The following EFCAB6 variants were observed in gnomAD, a reference collection of about 807,000 sequenced individuals.
The protein encoded by EFCAB6 is EF-hand calcium binding domain 6.
A neutral mutation model predicts 169.8 loss-of-function variants in EFCAB6; 156 were observed. That is an observed-to-expected ratio of 0.92 (90% confidence interval 0.81 to 1.05). EFCAB6 has a LOEUF of 1.05. Among genes scored for constraint, EFCAB6 ranks in the 50% least tolerant of loss-of-function variants. The pLI is 0.00. For missense variants in EFCAB6, 1,800 were observed against 1,829.1 expected (o/e 0.98, Z 0.29); for synonymous variants, 698 against 676.4 (o/e 1.03, Z -0.50).
chr22:43,654,448 T>G (rs888224290), intron 17 of EFCAB6, among the ~76,000 whole-genome samples: 1 of 152,172 alleles, frequency 6.6e-6, no homozygotes, highest in Non-Finnish European at 1.5e-5. Context: ...GCACCAACAG[T>G]GATGAGTCAT....
chr22:43,583,575 G>T (rs769430639), intron 24 of EFCAB6, among the ~76,000 whole-genome samples: 4 of 146,038 alleles, frequency 2.7e-5, no homozygotes, highest in Non-Finnish European at 4.5e-5. Flanking sequence ...AAATTCATAT[G>T]TTAAAATGTT....
At chr22:43,737,256 T>C (rs2147687426) in intron 6 of EFCAB6, among the ~76,000 whole-genome samples, 1 of 152,040 alleles carries the variant, frequency 6.6e-6, no homozygotes, top group African/African-American at 2.4e-5. Context: ...ACTGACATGG[T>C]CCACCCCATA....
chr22:43,667,285 G>A lies in EFCAB6; in HGVS notation c.1815-13C>T, dbSNP rs2057306977. On this transcript the variant is annotated splice_polypyrimidine_tract_variant and intron_variant, in intron 16 of 31. Transcript: ENST00000262726. ...CGTGAGCTTGGTTCTAAAATCACAAGCAGGCATTTAGACCCAGTGTCAACT... is the reference window on the plus strand; with the variant it reads ...CGTGAGCTTGGTTCTAAAATCACAAACAGGCATTTAGACCCAGTGTCAACT... The A allele has an allele frequency of 6.2e-7, 1 of 1,612,236 alleles. No homozygotes were observed. Among genetic ancestry groups the A allele is most frequent in the African/African-American group, 1.3e-5 (1 of 74,794 alleles).
intron 21 of EFCAB6, among the ~76,000 whole-genome samples, chr22:43,611,319 T>C (rs1490192374): frequency 6.6e-6 from 1 of 152,054 alleles, no homozygotes; most frequent in East Asian, 1.9e-4. Context: ...ACAATAAGAA[T>C]TACAAAACAC....
intron 31 of EFCAB6, among the ~76,000 whole-genome samples, chr22:43,529,486 C>T (rs1376543383): frequency 6.6e-6 from 1 of 152,236 alleles, no homozygotes; most frequent in Non-Finnish European, 1.5e-5. Context: ...CTGACTCTCT[C>T]CCAGCTCCTC....
intron 17 of EFCAB6, among the ~76,000 whole-genome samples, chr22:43,635,689 T>G (rs556590786): frequency 3.3e-4 from 51 of 152,324 alleles, no homozygotes; most frequent in African/African-American, 1.2e-3. Flanking sequence ...TTTTTTTAAA[T>G]GGGGGTGGCC....
chr22:43,662,492 T>C (rs1203167035), intron 17 of EFCAB6, among the ~76,000 whole-genome samples: 1 of 152,118 alleles, frequency 6.6e-6, no homozygotes, highest in Non-Finnish European at 1.5e-5. Context: ...AACAACAGCA[T>C]GCATGCTCAG....
At chr22:43,799,969 A>G (rs1325824151) in intron 2 of EFCAB6, among the ~76,000 whole-genome samples, 1 of 152,184 alleles carries the variant, frequency 6.6e-6, no homozygotes, top group Admixed American at 6.5e-5. Context: ...CGCTGGCAGG[A>G]GACCTATCCC....
intron 4 of EFCAB6, among the ~76,000 whole-genome samples, chr22:43,766,314 T>A (rs1227311858): frequency 6.6e-6 from 1 of 152,108 alleles, no homozygotes; most frequent in African/African-American, 2.4e-5. Context: ...ATTACAGGCA[T>A]GAGCCACCAC....
chr22:43,788,761 A>C (rs1330712003), intron 2 of EFCAB6, among the ~76,000 whole-genome samples: 1 of 152,220 alleles, frequency 6.6e-6, no homozygotes, highest in Non-Finnish European at 1.5e-5. Context: ...ACATACATCC[A>C]TCAAAAAAAA....
At chr22:43,799,166 A>AC (rs1412784074) in intron 2 of EFCAB6, among the ~76,000 whole-genome samples, 6 of 152,006 alleles carry the variant, frequency 3.9e-5, no homozygotes, top group Non-Finnish European at 4.4e-5. Flanking sequence ...GTCTTTACAA[A>AC]AAAAAAAAAA....
chr22:43,594,721 AT>A (rs1203756408), intron 23 of EFCAB6, among the ~76,000 whole-genome samples: 1 of 152,240 alleles, frequency 6.6e-6, no homozygotes, highest in Non-Finnish European at 1.5e-5. Flanking sequence ...CAATGGGCAG[AT>A]CATCCAGACA....
At chr22:43,668,762 T>C in intron 16 of EFCAB6, 110 bp downstream of exon 16, 1 of 1,066,714 alleles carries the variant, frequency 9.4e-7, no homozygotes, top group Non-Finnish European at 1.2e-6. Flanking sequence ...CCATCTTTCT[T>C]ATTTATAAAA....
intron 6 of EFCAB6, among the ~76,000 whole-genome samples, chr22:43,747,414 G>A (rs983636772): frequency 6.6e-6 from 1 of 152,186 alleles, no homozygotes; most frequent in African/African-American, 2.4e-5. Context: ...CCGGCTCTGG[G>A]GGACCAAATC....
At chr22:43,784,582 CAT>C (rs1268061914) in intron 2 of EFCAB6, among the ~76,000 whole-genome samples, 4 of 59,206 alleles carry the variant, frequency 6.8e-5, no homozygotes, top group Non-Finnish European at 9.2e-5. Context: ...TACATATACA[CAT>C]ATATATGTAT....
At chr22:43,655,705 T>C (rs1315490291) in intron 17 of EFCAB6, among the ~76,000 whole-genome samples, 1 of 152,110 alleles carries the variant, frequency 6.6e-6, no homozygotes, top group African/African-American at 2.4e-5. Flanking sequence ...ACTCAGACTA[T>C]CAGACTGTAT....
intron 21 of EFCAB6, among the ~76,000 whole-genome samples, chr22:43,610,759 A>T (rs1408073258): frequency 1.3e-5 from 2 of 152,224 alleles, no homozygotes; most frequent in African/African-American, 2.4e-5. Context: ...AAAAAAATTG[A>T]GTCTGTAGGA....
chr22:43,679,794 A>G (rs1329953793), intron 12 of EFCAB6, among the ~76,000 whole-genome samples: 1 of 152,144 alleles, frequency 6.6e-6, no homozygotes, highest in Non-Finnish European at 1.5e-5. Context: ...CTTCTTGGGT[A>G]AAATGTCTAT....
At chr22:43,584,865 T>A (rs1395322477) in intron 24 of EFCAB6, among the ~76,000 whole-genome samples, 1 of 151,970 alleles carries the variant, frequency 6.6e-6, no homozygotes, top group Non-Finnish European at 1.5e-5. Context: ...GCAAAACACA[T>A]ACTCTATTTA....
Sources: allele counts gnomAD v4.1 joint callset (sites outside exome capture counted in the v4.1 genomes callset), GRCh38; gene constraint gnomAD v4.1.1; transcripts MANE v1.5; gene names NCBI Gene and HGNC (gene_info 2026-07-23, HGNC 2026-07-21).